SPINT4: variants seen among roughly 807,000 people sequenced by gnomAD.
The protein encoded by SPINT4 is kunitz-type protease inhibitor 4.
A neutral mutation model predicts 9.4 loss-of-function variants in SPINT4; 7 were observed. The observed-to-expected ratio is 0.74, with a 90% CI of 0.42 to 1.40. The LOEUF is 1.40. Among genes scored for constraint, SPINT4 ranks in the 40% most tolerant of loss-of-function variants. The pLI is 0.01. For synonymous variants in SPINT4, 36 were observed against 39.9 expected, an observed-to-expected ratio of 0.90 and a Z score of 0.37; for missense variants, 105 against 114.4, an observed-to-expected ratio of 0.92 and a Z score of 0.37.
At chr20:45,723,298 G>T (rs535076670) in intron 1 of SPINT4, among the ~76,000 whole-genome samples, 35 of 152,044 alleles carry the variant, frequency 2.3e-4, no homozygotes, top group Non-Finnish European at 4.9e-4. Flanking sequence ...AAAAACAGAG[G>T]GTTTGCCTCT....
At chr20:45,724,615 C>T (rs1228397323) in intron 2 of SPINT4, among the ~76,000 whole-genome samples, 3 of 151,220 alleles carry the variant, frequency 2.0e-5, no homozygotes, top group Non-Finnish European at 2.9e-5. Flanking sequence ...TAATAGCCAC[C>T]ATCTATTGGA....
At chr20:45,723,739 G>T in intron 1 of SPINT4, 141 bp from the exon 2 acceptor site, 1 of 702,648 alleles carries the variant, frequency 1.4e-6, no homozygotes, top group Non-Finnish European at 2.2e-6. Flanking sequence ...CTAACTCCAA[G>T]AGAAAACCAC....
intron 2 of SPINT4, among the ~76,000 whole-genome samples, chr20:45,725,026 AT>A (rs1568682683): frequency 1.6e-5 from 2 of 122,394 alleles, no homozygotes; most frequent in East Asian, 2.7e-4. Flanking sequence ...ATATATATAT[AT>A]CAATAGATAT....
At chr20:45,722,979 G>A (rs1984836898) in intron 1 of SPINT4, among the ~76,000 whole-genome samples, 1 of 152,022 alleles carries the variant, frequency 6.6e-6, no homozygotes, top group Non-Finnish European at 1.5e-5. Flanking sequence ...GCGCTTCCAG[G>A]GGACGAGAAA....
At chr20:45,722,956 G>C (rs1468850291) in intron 1 of SPINT4, among the ~76,000 whole-genome samples, 1 of 152,126 alleles carries the variant, frequency 6.6e-6, no homozygotes, top group Non-Finnish European at 1.5e-5. Context: ...CATAGATAGT[G>C]TGTGAAGGCT....
Position 45,725,622 on chromosome 20 carries a change from TA to T in SPINT4, c.294-4del, listed in dbSNP as rs1314333589. On this transcript the variant is annotated splice_polypyrimidine_tract_variant and splice_region_variant and intron_variant, in intron 2 of 2. Transcript: ENST00000279058. ...GATTTGGGTTTTTCTTTCCTTTGCT[TA>T]AACAGGAGGTGAGAGGATGTGAACT... 21 of 1,613,718 alleles carry T rather than the reference TA, an allele frequency of 1.3e-5. No individual in the cohort carries two copies. Among genetic ancestry groups the T allele is most frequent in the Non-Finnish European group, 1.7e-5 (20 of 1,179,760 alleles).
intron 1 of SPINT4, among the ~76,000 whole-genome samples, chr20:45,723,031 G>T (rs1487618124): frequency 1.3e-5 from 2 of 152,054 alleles, no homozygotes; most frequent in Non-Finnish European, 2.9e-5. Context: ...TCAAGTTCTG[G>T]ACCTGTTCAC....
intron 2 of SPINT4, among the ~76,000 whole-genome samples, chr20:45,724,995 A>AAAAAT (rs1387842262): frequency 2.7e-4 from 10 of 36,426 alleles, no homozygotes; most frequent in Non-Finnish European, 3.9e-4. Flanking sequence ...AAAAAAAAAA[A>AAAAAT]ATATATATAT....
In SPINT4 at chr20:45,722,623, C is replaced by T. The variant is rs59635088; in HGVS notation, c.115+141C>T. The T allele has an allele frequency of 1.7e-3, 1,116 of 649,820 alleles. 22 individuals carry two copies. The East Asian group carries it at 0.028, about 16-fold the overall frequency. 40.3% of individuals were successfully genotyped at this position (649,820 alleles called of 1,614,324 possible). ...CCCATAGACACTTAGTCCCTTGACT[C>T]AGGGCATTACTTACACTAGGGGTCC... On this transcript the variant is annotated intron_variant, in intron 1 of 2. Coordinates refer to ENST00000279058, the MANE Select transcript of SPINT4 (RefSeq NM_178455.3).
Position 45,725,203 on chromosome 20 carries a change from G to A in SPINT4, c.294-426G>A, listed in dbSNP as rs181142761. On this transcript the variant is annotated intron_variant, in intron 2 of 2. Coordinates refer to ENST00000279058, the MANE Select transcript of SPINT4 (RefSeq NM_178455.3). ...ACAAGGTCACCCAAACCAAATTCTT[G>A]CACTCTCATACCTTTGAACTCTTCA... Among the ~76,000 whole-genome samples the A allele has an allele frequency of 6.3e-4, 95 of 150,796 alleles. 1 individual carries two copies. Among genetic ancestry groups the A allele is most frequent in the Admixed American group, 6.3e-3 (95 of 15,134 alleles).
chr20:45,724,846 G>T (rs1287589095), intron 2 of SPINT4, among the ~76,000 whole-genome samples: 2 of 148,502 alleles, frequency 1.3e-5, no homozygotes, highest in Non-Finnish European at 3.0e-5. Context: ...CAGGCGTGGT[G>T]GCAGGCGCCT....
In SPINT4 at chr20:45,723,991, G is replaced by A. The variant is rs1984865435; in HGVS notation, c.227G>A (p.Gly76Asp). The stretch of plus-strand genomic sequence containing the variant: ...ACTTTTGTCTTCTCCGGCTGTAATG[G>A]CAACCTTAACAACTTCAAGCTTAAA... ...CETFVFSGCN[G>D]NLNNFKLKIE... Residue 76 changes from glycine (G) to aspartate (D), a missense_variant, in exon 2 of 3, where the codon GGC becomes GAC. By Grantham distance (94) the Gly-to-Asp change is moderately conservative. Transcript: ENST00000279058. 2 of 1,610,370 alleles carry A rather than the reference G, an allele frequency of 1.2e-6. No individual in the cohort carries two copies. The highest frequency in any genetic ancestry group is 1.7e-5 in the Admixed American group (1 of 59,190).
Position 45,724,979 on chromosome 20 carries a change from C to CAAAAAAA in SPINT4, c.294-639_294-633dup, listed in dbSNP as rs1168670011. ...TGGGAGACAAAGTGAGACTCCATCT[C>CAAAAAAA]AAAAAAAAAAAAAAAAATATATATA... On this transcript the variant is annotated intron_variant, in intron 2 of 2. Transcript: ENST00000279058. 3.3e-4 allele frequency among the ~76,000 whole-genome samples: 9 copies of CAAAAAAA among 27,176 alleles called. 3 individuals are homozygous for CAAAAAAA. Among genetic ancestry groups the CAAAAAAA allele is most frequent in the East Asian group, 2.7e-3 (2 of 730 alleles). 17.8% of individuals were successfully genotyped at this position (27,176 alleles called of 152,430 possible).
In SPINT4 at chr20:45,724,800, G is replaced by A. The variant is rs563295596; in HGVS notation, c.293+743G>A. Among the ~76,000 whole-genome samples the A allele has an allele frequency of 2.4e-3, 357 of 148,746 alleles. 3 individuals are homozygous for A. Among genetic ancestry groups the A allele is most frequent in the African/African-American group, 8.3e-3 (337 of 40,374 alleles). The stretch of plus-strand genomic sequence containing the variant: ...TCGAGACCATCCTGGCTAACACAGT[G>A]AAACCCCGTCTCTACCAAATATACA... On this transcript the variant is annotated intron_variant, in intron 2 of 2. Transcript: ENST00000279058.
chr20:45,725,571 G>A, intron 2 of SPINT4, 58 bp from the exon 3 acceptor site: 1 of 1,603,172 alleles, frequency 6.2e-7, no homozygotes, highest in South Asian at 1.1e-5. Context: ...ATTAATCCAG[G>A]GAGACCTTCA....
intron 1 of SPINT4, 83 bp downstream of exon 1, chr20:45,722,565 G>A: frequency 1.9e-6 from 2 of 1,029,808 alleles, no homozygotes; most frequent in South Asian, 2.6e-5. Context: ...TGTTATCTAG[G>A]TAGTCCAGGA....
In SPINT4 at chr20:45,725,015, T is replaced by TATATATACACAC. The variant is rs1555809005; in HGVS notation, c.294-607_294-606insCACACATATATA. Among the ~76,000 whole-genome samples the TATATATACACAC allele has an allele frequency of 7.0e-5, 8 of 113,510 alleles. 1 individual carries two copies. The highest frequency in any genetic ancestry group is 2.7e-4 in the African/African-American group (7 of 26,110). 74.5% of individuals were successfully genotyped at this position (113,510 alleles called of 152,430 possible). A position where few individuals can be genotyped will look rare whatever the true frequency, so the allele number is the denominator to read the frequency against. On this transcript the variant is annotated intron_variant, in intron 2 of 2. Transcript: ENST00000279058. Reference sequence around the variant, plus strand: ...AAAAAAATATATATATATATATATATATATATATATATCAATAGATATATA... The same window carrying TATATATACACAC: ...AAAAAAATATATATATATATATATATATATATACACACATATATATATATCAATAGATATATA...
intron 1 of SPINT4, among the ~76,000 whole-genome samples, chr20:45,723,147 G>C (rs1373773471): frequency 6.6e-6 from 1 of 152,054 alleles, no homozygotes; most frequent in Admixed American, 6.6e-5. Context: ...TGCTGCAGAG[G>C]GTGTTTGTGA....
Position 45,725,518 on chromosome 20 carries a change from G to A in SPINT4, c.294-111G>A, listed in dbSNP as rs542442674. The A allele has an allele frequency of 1.9e-4, 203 of 1,072,252 alleles. 3 individuals are homozygous for A. The highest frequency in any genetic ancestry group is 1.7e-3 in the South Asian group (133 of 77,524). The allele number at this position is 1,072,252 out of a possible 1,614,324, so 66.4% of individuals were successfully genotyped here. On this transcript the variant is annotated intron_variant, in intron 2 of 2. Coordinates refer to ENST00000279058, the MANE Select transcript of SPINT4 (RefSeq NM_178455.3). ...ATAAAATAAGGGAAACATTGAGATAGAAGGCATCCTCTGTGCTTTCCCTAG... is the reference window on the plus strand; with the variant it reads ...ATAAAATAAGGGAAACATTGAGATAAAAGGCATCCTCTGTGCTTTCCCTAG...
Sources: gnomAD v4.1 joint callset for allele counts (sites outside exome capture counted in the v4.1 genomes callset) on GRCh38, gnomAD v4.1.1 for gene constraint, MANE v1.5 for transcripts, NCBI Gene and HGNC (gene_info 2026-07-23, HGNC 2026-07-21) for gene names.